The following CHST11 variants were observed in gnomAD, a reference collection of about 807,000 sequenced individuals.
The protein encoded by CHST11 is carbohydrate sulfotransferase 11, also known as C4S-1.
In CHST11, 9 loss-of-function variants were observed where a neutral mutation model predicts 30.4. The observed-to-expected ratio is 0.30, with a 90% CI of 0.18 to 0.52. The LOEUF (loss-of-function observed/expected upper bound fraction) is 0.52. Among genes scored for constraint, CHST11 ranks in the 20% least tolerant of loss-of-function variants. CHST11 has a pLI of 0.97. For synonymous variants in CHST11, 152 were observed against 187.8 expected (o/e 0.81, Z 1.56); for missense variants, 348 against 460.6 (o/e 0.76, Z 2.24).
intron 1 of CHST11, among the ~76,000 whole-genome samples, chr12:104,566,970 T>C (rs2038573309): frequency 6.6e-6 from 1 of 152,124 alleles, no homozygotes. Context: ...GGTGAATGAA[T>C]ATAAATATAT....
rs991217094 is a variant in CHST11 at position 104,729,765 on chromosome 12, G to A, written c.205-27184G>A. Among the ~76,000 whole-genome samples the A allele has an allele frequency of 1.3e-5, 2 of 152,152 alleles. No individual in the cohort carries two copies. The highest frequency in any genetic ancestry group is 2.1e-4 in the South Asian group (1 of 4,830). ...AGGAGTTGAGGGGGAGCTCGATGGC[G>A]CTGGGGCAGAGGTCTGCGGAGAGTA... On this transcript the variant is annotated intron_variant, in intron 2 of 2. Transcript: ENST00000303694. This position sits in a 1 kb window ranked among gnomAD's most constrained non-coding sequence, Gnocchi z 4.0.
intron 1 of CHST11, among the ~76,000 whole-genome samples, chr12:104,536,388 A>C (rs531984490): frequency 2.0e-4 from 30 of 152,276 alleles, no homozygotes; most frequent in Admixed American, 8.5e-4. Flanking sequence ...TTCCTACTCA[A>C]TGTGTGGTCA....
At chr12:104,630,542 C>G (rs182179610) in intron 2 of CHST11, among the ~76,000 whole-genome samples, 1 of 152,124 alleles carries the variant, frequency 6.6e-6, no homozygotes, top group Admixed American at 6.6e-5. Flanking sequence ...GCCAGGCTGA[C>G]GGGGAAAGAA....
intron 1 of CHST11, among the ~76,000 whole-genome samples, chr12:104,545,935 C>A (rs1180520749): frequency 6.6e-6 from 1 of 152,104 alleles, no homozygotes; most frequent in African/African-American, 2.4e-5. Flanking sequence ...AGGTGATCCT[C>A]CCATCTCAGT....
intron 2 of CHST11, among the ~76,000 whole-genome samples, chr12:104,648,083 G>A (rs1055903732): frequency 1.3e-5 from 2 of 152,184 alleles, no homozygotes; most frequent in African/African-American, 4.8e-5. Context: ...TGTTTTGAGA[G>A]CATGTGTACA....
chr12:104,696,324 A>C (rs770702707), intron 2 of CHST11, among the ~76,000 whole-genome samples: 3 of 151,950 alleles, frequency 2.0e-5, no homozygotes, highest in Non-Finnish European at 4.4e-5. Flanking sequence ...TCTTTTATAG[A>C]TCTGCCTATA....
chr12:104,613,436 G>A (rs929848195), intron 2 of CHST11, among the ~76,000 whole-genome samples: 2 of 141,614 alleles, frequency 1.4e-5, no homozygotes, highest in African/African-American at 2.7e-5. Context: ...ATCTCATGTC[G>A]AATTGTAGTC....
chr12:104,692,961 C>T (rs1392691812), intron 2 of CHST11, among the ~76,000 whole-genome samples: 1 of 150,428 alleles, frequency 6.6e-6, no homozygotes, highest in Non-Finnish European at 1.5e-5. Context: ...ACTTAAACCA[C>T]AGAAATTTAT....
At chr12:104,736,472 C>T (rs1311666325) in intron 2 of CHST11, among the ~76,000 whole-genome samples, 2 of 152,304 alleles carry the variant, frequency 1.3e-5, no homozygotes, top group South Asian at 2.1e-4. Flanking sequence ...AGCAGAGTCC[C>T]ATGTATTTCC....
At chr12:104,501,794 G>T (rs2037856169) in intron 1 of CHST11, among the ~76,000 whole-genome samples, 1 of 152,196 alleles carries the variant, frequency 6.6e-6, no homozygotes, top group African/African-American at 2.4e-5. Context: ...CAGGCAGGGA[G>T]GCTGAGAGCC....
chr12:104,748,203 A>G (rs1346828397), intron 2 of CHST11, among the ~76,000 whole-genome samples: 29 of 152,266 alleles, frequency 1.9e-4, no homozygotes, highest in Admixed American at 1.9e-3. Context: ...CAGATGGCGA[A>G]CCTGGGTTCT....
At chr12:104,727,257 A>C (rs2040223730) in intron 2 of CHST11, among the ~76,000 whole-genome samples, 2 of 152,228 alleles carry the variant, frequency 1.3e-5, no homozygotes, top group South Asian at 4.1e-4. Context: ...AGGGGCCTAC[A>C]TTCAAGATCC....
At chr12:104,478,366 T>C (rs920033601) in intron 1 of CHST11, among the ~76,000 whole-genome samples, 1 of 152,198 alleles carries the variant, frequency 6.6e-6, no homozygotes, top group Non-Finnish European at 1.5e-5. Flanking sequence ...AAAAATGTGA[T>C]GTTTGCCACG....
At chr12:104,546,113 TG>T (rs1167264743) in intron 1 of CHST11, among the ~76,000 whole-genome samples, 1 of 152,176 alleles carries the variant, frequency 6.6e-6, no homozygotes, top group Non-Finnish European at 1.5e-5. Context: ...CCAACATTGT[TG>T]AATCATAAGT....
intron 1 of CHST11, among the ~76,000 whole-genome samples, chr12:104,508,343 A>G (rs1026275350): frequency 6.6e-6 from 1 of 152,208 alleles, no homozygotes; most frequent in African/African-American, 2.4e-5. Context: ...TCCTCTGTAA[A>G]GTAAGTATCG....
At chr12:104,626,276 G>T (rs2039213573) in intron 2 of CHST11, among the ~76,000 whole-genome samples, 1 of 152,114 alleles carries the variant, frequency 6.6e-6, no homozygotes, top group African/African-American at 2.4e-5. Context: ...AGCTATTTTG[G>T]TGAGGTTTTA....
At chr12:104,459,425 G>A (rs1387498369) in intron 1 of CHST11, among the ~76,000 whole-genome samples, 1 of 152,230 alleles carries the variant, frequency 6.6e-6, no homozygotes, top group African/African-American at 2.4e-5. Flanking sequence ...GTTTCGCTGG[G>A]ACCGTGAATG....
At chr12:104,746,509 T>G (rs1327223831) in intron 2 of CHST11, among the ~76,000 whole-genome samples, 1 of 152,178 alleles carries the variant, frequency 6.6e-6, no homozygotes, top group Non-Finnish European at 1.5e-5. Context: ...CACCAGGCCC[T>G]CCATCACTAT....
At chr12:104,463,325 C>T (rs762577708) in intron 1 of CHST11, among the ~76,000 whole-genome samples, 8 of 152,146 alleles carry the variant, frequency 5.3e-5, no homozygotes, top group Non-Finnish European at 8.8e-5. Flanking sequence ...GGGACACCAC[C>T]TTTATAACAA....
Sources: gnomAD v4.1 joint callset for allele counts (sites outside exome capture counted in the v4.1 genomes callset) on GRCh38, gnomAD v4.1.1 for gene constraint, Gnocchi (gnomAD v3.1) non-coding constraint, MANE v1.5 for transcripts, NCBI Gene and HGNC (gene_info 2026-07-23, HGNC 2026-07-21) for gene names.